The following SPAG16 variants were observed in gnomAD, a reference collection of about 807,000 sequenced individuals.
The protein encoded by SPAG16 is sperm-associated antigen 16 protein.
In SPAG16, 86 loss-of-function variants were observed where a neutral mutation model predicts 80.4. The ratio of observed to expected loss-of-function variants is 1.07; its 90% CI spans 0.90 to 1.28. The LOEUF (loss-of-function observed/expected upper bound fraction) is 1.28, where lower values mean the gene tolerates loss of function less well. Ranked by LOEUF, SPAG16 falls within the 50% of genes most tolerant of loss-of-function variation. The probability of loss-of-function intolerance (pLI) is 0.00; values close to 1 mark genes in which losing one functional copy is unlikely to be tolerated. For missense variants in SPAG16, 870 were observed against 765.3 expected, an observed-to-expected ratio of 1.14 and a Z score of -1.61; for synonymous variants, 294 against 265.9, an observed-to-expected ratio of 1.11 and a Z score of -1.03.
At chr2:214,359,622 A>G (rs1452888766) in intron 15 of SPAG16, among the ~76,000 whole-genome samples, 1 of 151,886 alleles carries the variant, frequency 6.6e-6, no homozygotes. Flanking sequence ...GGTTCTATTT[A>G]CATCTTTAAT....
chr2:213,626,831 A>G (rs2061979231), intron 10 of SPAG16, among the ~76,000 whole-genome samples: 1 of 151,936 alleles, frequency 6.6e-6, no homozygotes, highest in East Asian at 1.9e-4. Context: ...TAATTTTAAT[A>G]GAGACGGTGT....
chr2:213,913,173 G>A (rs1256920102), intron 11 of SPAG16, among the ~76,000 whole-genome samples: 1 of 151,920 alleles, frequency 6.6e-6, no homozygotes, highest in Admixed American at 6.6e-5. Flanking sequence ...CCTCAATATA[G>A]TGTCTCTACA....
intron 9 of SPAG16, among the ~76,000 whole-genome samples, chr2:213,388,542 G>A (rs146472714): frequency 5.9e-5 from 9 of 152,214 alleles, no homozygotes; most frequent in African/African-American, 1.4e-4. Flanking sequence ...ACTGATCCTT[G>A]ACCAGAGACA....
At chr2:213,608,419 C>T (rs1186894097) in intron 10 of SPAG16, among the ~76,000 whole-genome samples, 2 of 151,950 alleles carry the variant, frequency 1.3e-5, no homozygotes, top group Non-Finnish European at 2.9e-5. Flanking sequence ...TGAGAACATG[C>T]GGTGTTTGGT....
At chr2:214,086,004 A>G (rs186782748) in intron 13 of SPAG16, among the ~76,000 whole-genome samples, 2 of 152,148 alleles carry the variant, frequency 1.3e-5, no homozygotes, top group African/African-American at 2.4e-5. Context: ...TTTAAAATAC[A>G]TCTCCTTTTG....
At chr2:213,786,722 T>TA (rs1356618594) in intron 10 of SPAG16, among the ~76,000 whole-genome samples, 2 of 152,156 alleles carry the variant, frequency 1.3e-5, no homozygotes, top group Non-Finnish European at 2.9e-5. Flanking sequence ...ATATGTCTAA[T>TA]AATGTGTTCA....
intron 9 of SPAG16, among the ~76,000 whole-genome samples, chr2:213,407,596 GGAGAGAGAGAGAGAGAGA>G (rs66674310): frequency 1.2e-4 from 12 of 102,106 alleles, no homozygotes; most frequent in African/African-American, 2.1e-4. Context: ...GAGAGAGACA[GGAGAGAGAGAGAGAGAGA>G]GAGAGAGAGA....
chr2:213,718,904 T>G (rs1404349854), intron 10 of SPAG16, among the ~76,000 whole-genome samples: 2 of 152,132 alleles, frequency 1.3e-5, no homozygotes, highest in African/African-American at 4.8e-5. Flanking sequence ...GGCAGGCAGC[T>G]CCACCTGCAG....
chr2:213,368,582 A>G (rs972584218), intron 8 of SPAG16, among the ~76,000 whole-genome samples: 1 of 152,190 alleles, frequency 6.6e-6, no homozygotes, highest in African/African-American at 2.4e-5. Context: ...AGTCAGGAAA[A>G]AGAAATAAAG....
chr2:213,516,001 A>G (rs1364955035), intron 10 of SPAG16, among the ~76,000 whole-genome samples: 1 of 152,188 alleles, frequency 6.6e-6, no homozygotes, highest in Admixed American at 6.5e-5. Context: ...CCATAGGGAG[A>G]GGAGGGAACC....
At chr2:214,384,207 G>C (rs1700620232) in intron 15 of SPAG16, among the ~76,000 whole-genome samples, 1 of 152,120 alleles carries the variant, frequency 6.6e-6, no homozygotes, top group African/African-American at 2.4e-5. Flanking sequence ...TGTCTGAAAG[G>C]ACTTGCTATT....
At chr2:214,354,014 T>C (rs945158364) in intron 15 of SPAG16, among the ~76,000 whole-genome samples, 12 of 152,230 alleles carry the variant, frequency 7.9e-5, no homozygotes, top group African/African-American at 2.6e-4. Flanking sequence ...CTTGAGGGGA[T>C]AGATATCCCA....
At chr2:213,987,674 C>A (rs1366083249) in intron 12 of SPAG16, among the ~76,000 whole-genome samples, 3 of 151,702 alleles carry the variant, frequency 2.0e-5, no homozygotes, top group Non-Finnish European at 4.4e-5. Flanking sequence ...ATATTTGGCA[C>A]TGTGATGAAG....
At chr2:214,078,462 G>A (rs1170082006) in intron 13 of SPAG16, among the ~76,000 whole-genome samples, 1 of 150,678 alleles carries the variant, frequency 6.6e-6, no homozygotes, top group African/African-American at 2.4e-5. Context: ...AGGGTGAGGT[G>A]GAAGGATTTC....
intron 15 of SPAG16, among the ~76,000 whole-genome samples, chr2:214,169,100 T>C (rs931373463): frequency 3.9e-5 from 6 of 152,116 alleles, no homozygotes; most frequent in Admixed American, 1.3e-4. Context: ...AACATTATCA[T>C]ATGAAATAAG....
At chr2:213,636,430 T>C (rs1378529856) in intron 10 of SPAG16, among the ~76,000 whole-genome samples, 1 of 152,124 alleles carries the variant, frequency 6.6e-6, no homozygotes, top group East Asian at 1.9e-4. Flanking sequence ...TTTGATCATG[T>C]GTGTGCACTC....
At chr2:213,382,083 A>G (rs1288701501) in intron 9 of SPAG16, among the ~76,000 whole-genome samples, 4 of 152,152 alleles carry the variant, frequency 2.6e-5, no homozygotes, top group Non-Finnish European at 5.9e-5. Context: ...ATAGCTGGTC[A>G]TGGTGAGTAT....
Position 213,754,990 on chromosome 2 carries a change from C to T in SPAG16, c.1071-107495C>T, listed in dbSNP as rs2068256040. Among the ~76,000 whole-genome samples the T allele has an allele frequency of 2.0e-5, 3 of 152,100 alleles. No homozygotes were observed. In the South Asian group the frequency reaches 6.2e-4, roughly 32 times the overall value. On this transcript the variant is annotated intron_variant, in intron 10 of 15. Transcript: ENST00000331683. ...TATTTCCTAAGTAATTCTAGGTTTC[C>T]ATTATTGAATCTCTAAATGTCTAAA...
intron 9 of SPAG16, among the ~76,000 whole-genome samples, chr2:213,467,120 T>C (rs1478339213): frequency 6.6e-6 from 1 of 152,110 alleles, no homozygotes; most frequent in African/African-American, 2.4e-5. Context: ...GCTCCCAATA[T>C]TGGGGTATTA....
Sources: gnomAD v4.1 joint callset for allele counts (sites outside exome capture counted in the v4.1 genomes callset) on GRCh38, gnomAD v4.1.1 for gene constraint, MANE v1.5 for transcripts, NCBI Gene and HGNC (gene_info 2026-07-23, HGNC 2026-07-21) for gene names.